TNRC6A: variants seen among roughly 807,000 people sequenced by gnomAD.
TNRC6A encodes trinucleotide repeat containing adaptor 6A, also known as trinucleotide repeat-containing gene 6A protein.
Under a neutral mutation model 221.2 loss-of-function variants are expected in TNRC6A, and 44 were observed. The observed-to-expected ratio is 0.20, with a 90% CI of 0.16 to 0.26. TNRC6A has a LOEUF of 0.26. Ranked by LOEUF, TNRC6A falls within the 10% of genes least tolerant of loss-of-function variation. The pLI is 1.00. For missense variants in TNRC6A, 2,199 were observed against 2,404.4 expected (o/e 0.91, Z 1.79); for synonymous variants, 847 against 838.5 (o/e 1.01, Z -0.18).
intron 2 of TNRC6A, among the ~76,000 whole-genome samples, chr16:24,731,616 A>T (rs2056644537): frequency 6.6e-6 from 1 of 152,244 alleles, no homozygotes; most frequent in Non-Finnish European, 1.5e-5. Context: ...AGGTTGAGCC[A>T]TTAAGGTGTA....
intron 2 of TNRC6A, among the ~76,000 whole-genome samples, chr16:24,698,701 C>G (rs2055910966): frequency 1.3e-5 from 2 of 152,158 alleles, no homozygotes; most frequent in South Asian, 4.2e-4. Context: ...TCCCTAGGGT[C>G]TTTGGGGAGG....
Position 24,750,733 on chromosome 16 carries a change from G to A in TNRC6A, c.61G>A (p.Val21Met). Residue 21 changes from valine to methionine, a missense_variant, in exon 3 of 25, where the codon GTG (valine) becomes ATG (methionine). By Grantham distance (21) the Val-to-Met change is conservative (BLOSUM62 1). This residue lies in a region of TNRC6A where 1,405 missense variants were observed against 1,400.2 expected (regional missense o/e 1.00). Transcript: ENST00000395799. ...TGCAACTGTGTGGTTCAGGGATTTA[G>A]TGCAAGAAGAAGAACAGTTGATGGA... ...DVERNLSRDLVQEEEQLMEEK... is the reference protein window; with the variant it reads ...DVERNLSRDLMQEEEQLMEEK... The A allele has an allele frequency of 6.5e-7, 1 of 1,541,124 alleles. No homozygotes were observed. The highest frequency in any genetic ancestry group is 8.7e-7 in the Non-Finnish European group (1 of 1,150,156).
At chr16:24,742,433 A>G (rs1416020414) in intron 2 of TNRC6A, among the ~76,000 whole-genome samples, 1 of 151,586 alleles carries the variant, frequency 6.6e-6, no homozygotes, top group Non-Finnish European at 1.5e-5. Flanking sequence ...AAAGTAACAT[A>G]TGGATAAGAG....
chr16:24,733,308 C>G (rs761984967), intron 2 of TNRC6A, among the ~76,000 whole-genome samples: 4 of 152,194 alleles, frequency 2.6e-5, no homozygotes, highest in Non-Finnish European at 4.4e-5. Flanking sequence ...AGATGTGTTG[C>G]CATTCTCCTT....
chr16:24,749,081 A>G (rs1485505498), intron 2 of TNRC6A, among the ~76,000 whole-genome samples: 1 of 152,166 alleles, frequency 6.6e-6, no homozygotes, highest in Non-Finnish European at 1.5e-5. Flanking sequence ...TCCTCAGGGC[A>G]GAGTTAGGTA....
intron 5 of TNRC6A, among the ~76,000 whole-genome samples, chr16:24,777,856 A>C (rs1313664322): frequency 6.6e-6 from 1 of 152,174 alleles, no homozygotes; most frequent in Non-Finnish European, 1.5e-5. Flanking sequence ...AAATGCATTC[A>C]GTTATTTGTC....
At chr16:24,666,609 C>A (rs2055167819) in intron 2 of TNRC6A, among the ~76,000 whole-genome samples, 1 of 133,636 alleles carries the variant, frequency 7.5e-6, no homozygotes, top group Admixed American at 8.4e-5. Flanking sequence ...GCACTCCAGC[C>A]CAGATGACAG....
Position 24,687,448 on chromosome 16 carries a change from T to C in TNRC6A, n.402+46439T>C, listed in dbSNP as rs373688495. Among the ~76,000 whole-genome samples the C allele has an allele frequency of 4.6e-5, 7 of 152,234 alleles. No individual in the cohort carries two copies. In the East Asian group the frequency reaches 9.7e-4, roughly 21 times the overall value. ...ATCCTCTTAGTCTAATTTCTGGAAATTCTTCTTGGCCCTATCACCTTGGGC... is the reference window on the plus strand; with the variant it reads ...ATCCTCTTAGTCTAATTTCTGGAAACTCTTCTTGGCCCTATCACCTTGGGC... On this transcript the variant is annotated intron_variant and non_coding_transcript_variant, in intron 2 of 2. Coordinates refer to the TNRC6A transcript ENST00000566108.
intron 2 of TNRC6A, among the ~76,000 whole-genome samples, chr16:24,695,594 T>G (rs1220313277): frequency 6.6e-6 from 1 of 151,992 alleles, no homozygotes; most frequent in Non-Finnish European, 1.5e-5. Context: ...GAGACGGGGT[T>G]TCGCCATTTT....
intron 2 of TNRC6A, among the ~76,000 whole-genome samples, chr16:24,659,070 AAGTGCTGGGATTAC>A (rs140118528): frequency 0.017 from 2,617 of 152,158 alleles, 58 homozygotes; most frequent in African/African-American, 0.06. Context: ...CAGTCTCCCA[AAGTGCTGGGATTAC>A]AGGCACTTTG....
intron 2 of TNRC6A, among the ~76,000 whole-genome samples, chr16:24,723,223 C>T (rs1458594967): frequency 6.6e-6 from 1 of 152,152 alleles, no homozygotes; most frequent in Non-Finnish European, 1.5e-5. Flanking sequence ...CAATAAGTAA[C>T]ACTTCACCTC....
intron 22 of TNRC6A, 32 bp downstream of exon 22, chr16:24,820,392 GT>G (rs2058743805): frequency 6.2e-7 from 1 of 1,602,652 alleles, no homozygotes; most frequent in African/African-American, 1.3e-5. Flanking sequence ...GGTTTCTGTG[GT>G]TTATTTGCTA....
intron 2 of TNRC6A, among the ~76,000 whole-genome samples, chr16:24,673,503 A>T (rs989928116): frequency 2.6e-5 from 4 of 152,242 alleles, no homozygotes; most frequent in African/African-American, 9.6e-5. Flanking sequence ...AGGGTGTGAG[A>T]ATCCCACCAG....
chr16:24,780,641 AG>A (rs1231606894), intron 5 of TNRC6A, among the ~76,000 whole-genome samples: 2 of 152,214 alleles, frequency 1.3e-5, no homozygotes, highest in African/African-American at 4.8e-5. Context: ...CTACTGGCGA[AG>A]GAAAGAGAGA....
chr16:24,750,715 G>A lies in TNRC6A; in HGVS notation c.54-11G>A. On this transcript the variant is annotated splice_polypyrimidine_tract_variant and intron_variant, in intron 2 of 24. Transcript: ENST00000395799. ...CATTTTGGGAAACTTAATTGCAACTGTGTGGTTCAGGGATTTAGTGCAAGA... is the reference window on the plus strand; with the variant it reads ...CATTTTGGGAAACTTAATTGCAACTATGTGGTTCAGGGATTTAGTGCAAGA... 6.6e-7 allele frequency: 1 copy of A among 1,515,496 alleles called. No individual in the cohort carries two copies. 93.9% of individuals were successfully genotyped at this position (1,515,496 alleles called of 1,614,324 possible). A position where few individuals can be genotyped will look rare whatever the true frequency, so the allele number is the denominator to read the frequency against.
rs1299574411 is a variant in TNRC6A at position 24,823,409 on chromosome 16, T to TCA, written c.5514-22_5514-21insAC. 1 of 1,587,492 alleles carries TCA rather than the reference T, an allele frequency of 6.3e-7. No homozygotes were observed. Among genetic ancestry groups the TCA allele is most frequent in the East Asian group, 2.2e-5 (1 of 44,568 alleles). On this transcript the variant is annotated intron_variant, in intron 24 of 24. Coordinates refer to ENST00000395799, the MANE Select transcript of TNRC6A (RefSeq NM_014494.4). The surrounding 1 kb of genome is among the most constrained non-coding windows in gnomAD (Gnocchi z 4.3). The stretch of plus-strand genomic sequence containing the variant: ...CCTCCTGGTGTGCTGTCCTCACGTG[T>TCA]CCGCGGTGCCTCTCTCCTCTAGGTG...
At chr16:24,623,152 AATTTATTTATTTATTT>A (rs199950284) in intron 1 of TNRC6A, among the ~76,000 whole-genome samples, 67 of 143,852 alleles carry the variant, frequency 4.7e-4, no homozygotes, top group African/African-American at 1.6e-3. Flanking sequence ...AAGTGATAAG[AATTTATTTATTTATTT>A]ATTTATTTAT....
chr16:24,739,010 A>G (rs1027814786), intron 2 of TNRC6A, among the ~76,000 whole-genome samples: 26 of 152,256 alleles, frequency 1.7e-4, no homozygotes, highest in Non-Finnish European at 3.1e-4. Context: ...GCATGCCACC[A>G]CGCCTGGCTA....
chr16:24,713,970 C>A (rs1347298382), intron 2 of TNRC6A, among the ~76,000 whole-genome samples: 1 of 152,062 alleles, frequency 6.6e-6, no homozygotes, highest in African/African-American at 2.4e-5. Flanking sequence ...TTAAACGATT[C>A]AATTATGATT....
Sources: allele counts gnomAD v4.1 joint callset (sites outside exome capture counted in the v4.1 genomes callset), GRCh38; gene constraint gnomAD v4.1.1; regional missense constraint gnomAD v4.1.1; non-coding constraint Gnocchi (gnomAD v3.1); transcripts MANE v1.5; gene names NCBI Gene and HGNC (gene_info 2026-07-23, HGNC 2026-07-21).